The following BPTF variants were observed in gnomAD, a reference collection of about 807,000 sequenced individuals.
BPTF encodes the protein nucleosome-remodeling factor subunit BPTF.
BPTF carries 18 observed loss-of-function variants against 292.5 expected under a neutral mutation model. The observed-to-expected ratio is 0.06, with a 90% confidence interval of 0.04 to 0.09. BPTF has a LOEUF of 0.09. Among genes scored for constraint, BPTF ranks in the 10% least tolerant of loss-of-function variants. BPTF has a pLI of 1.00. For synonymous variants in BPTF, 1,225 were observed against 1,251.9 expected (o/e 0.98, Z 0.45); for missense variants, 2,726 against 3,498.7 (o/e 0.78, Z 5.57).
chr17:67,931,617 C>G (rs1227089832), intron 17 of BPTF, among the ~76,000 whole-genome samples: 1 of 152,178 alleles, frequency 6.6e-6, no homozygotes. Flanking sequence ...CCTGTGAGCA[C>G]TAGTTACAGA....
chr17:67,875,143 G>T (rs1420439830), intron 4 of BPTF, 123 bp downstream of exon 4: 9 of 808,068 alleles, frequency 1.1e-5, no homozygotes, highest in African/African-American at 1.7e-5. Flanking sequence ...TTTCTAAAGA[G>T]ATCAGGATAC....
At chr17:67,982,185 G>A (rs781924437) in intron 27 of BPTF, 67 bp from the exon 28 acceptor site, 12 of 1,415,706 alleles carry the variant, frequency 8.5e-6, no homozygotes, top group African/African-American at 5.7e-5. Context: ...CTTGGCATCC[G>A]CATAAAGCAT....
chr17:67,973,848 G>A (rs1375388182), intron 26 of BPTF: 1 of 151,678 alleles, frequency 6.6e-6, no homozygotes, highest in Non-Finnish European at 1.5e-5. Flanking sequence ...GACTTGAAGG[G>A]ACACCCTTAA....
chr17:67,924,836 G>T (rs1313246859), intron 15 of BPTF, among the ~76,000 whole-genome samples: 3 of 152,010 alleles, frequency 2.0e-5, no homozygotes, highest in Non-Finnish European at 4.4e-5. Flanking sequence ...AGCTCACCGA[G>T]CCTCGACATC....
At chr17:67,846,810 A>C (rs907346809) in intron 1 of BPTF, among the ~76,000 whole-genome samples, 1 of 152,076 alleles carries the variant, frequency 6.6e-6, no homozygotes, top group African/African-American at 2.4e-5. Context: ...AAGCAATTCT[A>C]GTGCCTCAGC....
At position 67,840,467 on chromosome 17, in the gene BPTF, G is replaced by A. The variant is rs1437195240; in HGVS notation, c.614-13473G>A. Among the ~76,000 whole-genome samples, 4 of 151,740 alleles carry A rather than the reference G, an allele frequency of 2.6e-5. No individual in the cohort carries two copies. The East Asian group carries it at 7.7e-4, about 29-fold the overall frequency. On this transcript the variant is annotated intron_variant, in intron 1 of 27. Coordinates refer to ENST00000306378, the MANE Select transcript of BPTF (RefSeq NM_182641.4). ...GGTTGCTGCTGCTCCTCTTGTTGTT[G>A]TTGTTGCTGCTGCTGCTGCTCCTCC...
At chr17:67,954,671 C>T (rs1555680124) in intron 23 of BPTF, among the ~76,000 whole-genome samples, 8 of 152,188 alleles carry the variant, frequency 5.3e-5, no homozygotes. Context: ...ACTATTTCTT[C>T]TCAGTTTCTC....
chr17:67,911,912 G>T lies in BPTF; in HGVS notation c.4028G>T (p.Gly1343Val), dbSNP rs1392613455. The T allele has an allele frequency of 6.2e-7, 1 of 1,614,004 alleles. No homozygotes were observed. Among genetic ancestry groups the T allele is most frequent in the Admixed American group, 1.7e-5 (1 of 59,970 alleles). Residue 1343 changes from glycine to valine, a missense_variant, in exon 11 of 28, where the codon GGA becomes GTA. By Grantham distance (109) the Gly-to-Val change is moderately radical. This residue lies in a region of BPTF where 713 missense variants were observed against 714.9 expected (regional missense o/e 1.00). Coordinates refer to ENST00000306378, the MANE Select transcript of BPTF (RefSeq NM_182641.4). ...GAGTTGGTTTCTGGTGAGTCCACTG[G>T]AAACTGTGAGGACAGGCTGCCGGTC... ...KCELVSGESTGNCEDRLPVKG... is the reference protein window; with the variant it reads ...KCELVSGESTVNCEDRLPVKG...
chr17:67,956,411 A>G (rs1485369503), intron 23 of BPTF: 1 of 150,706 alleles, frequency 6.6e-6, no homozygotes, highest in East Asian at 2.0e-4. Context: ...TTGACCTCCC[A>G]GGCTTAAGGG....
In BPTF at chr17:67,911,175, T is replaced by C. The variant is rs189588019; in HGVS notation, c.3291T>C (p.Asn1097=). ...GIKGIGKTST[N]SSKNLSESPV... is the part of the protein sequence containing the mutation. ...AGGGTATAGGAAAGACTTCTACAAA[T>C]TCTTCAAAAAATCTCTCTGAATCAC... The change falls in exon 11 of 28, where the codon AAT becomes AAC. Residue 1097 remains asparagine (N), a synonymous_variant. Transcript: ENST00000306378. 34 of 1,613,704 alleles carry C rather than the reference T, an allele frequency of 2.1e-5. No homozygotes were observed. In the South Asian group the frequency reaches 3.5e-4, roughly 17 times the overall value.
intron 1 of BPTF, among the ~76,000 whole-genome samples, chr17:67,831,259 T>C (rs1197869326): frequency 6.6e-6 from 1 of 151,982 alleles, no homozygotes; most frequent in Non-Finnish European, 1.5e-5. Context: ...GCATTACATA[T>C]GCCTCCCTAA....
intron 21 of BPTF, 73 bp downstream of exon 21, chr17:67,946,398 G>T (rs1255430920): frequency 3.4e-5 from 52 of 1,534,692 alleles, no homozygotes; most frequent in Non-Finnish European, 4.5e-5. Flanking sequence ...TTAGTGTTTG[G>T]TTGTGTTAGG....
Position 67,903,573 on chromosome 17 carries a change from G to A in BPTF, c.2544-216G>A, listed in dbSNP as rs62085986. 7.1e-3 allele frequency among the ~76,000 whole-genome samples: 1,081 copies of A among 152,234 alleles called. 5 individuals are homozygous for A. Among genetic ancestry groups the A allele is most frequent in the Middle Eastern group, 0.017 (5 of 294 alleles). ...AAATAAATCATAATTATTTCTTATGGAAAGGATATAGTATTTCTTGTTTTT... is the reference window on the plus strand; with the variant it reads ...AAATAAATCATAATTATTTCTTATGAAAAGGATATAGTATTTCTTGTTTTT... On this transcript the variant is annotated intron_variant, in intron 7 of 27. Transcript: ENST00000306378.
At chr17:67,971,953 T>C (rs1211162963) in intron 26 of BPTF, among the ~76,000 whole-genome samples, 4 of 152,150 alleles carry the variant, frequency 2.6e-5, no homozygotes, top group African/African-American at 9.7e-5. Context: ...ATCACTCTTT[T>C]GAGGGGTATA....
chr17:67,844,923 A>G (rs9908145), intron 1 of BPTF, among the ~76,000 whole-genome samples: 12,073 of 152,064 alleles, frequency 0.079, 1,636 homozygotes, highest in African/African-American at 0.28. Flanking sequence ...TTGTATTTTT[A>G]GTAGAGACAG....
intron 18 of BPTF, 97 bp from the exon 19 acceptor site, chr17:67,940,342 A>T (rs930434714): frequency 1.8e-6 from 2 of 1,096,684 alleles, no homozygotes; most frequent in Non-Finnish European, 2.6e-6. Context: ...TTTTTTGAAG[A>T]TGGAAAAGAA....
intron 1 of BPTF, among the ~76,000 whole-genome samples, chr17:67,851,272 CT>C (rs57971998): frequency 0.11 from 14,648 of 129,818 alleles, 2,388 homozygotes; most frequent in African/African-American, 0.37. Flanking sequence ...CGATTTTCTG[CT>C]TTTTTTTTTT....
At chr17:67,852,378 C>A (rs1414388026) in intron 1 of BPTF, among the ~76,000 whole-genome samples, 1 of 152,088 alleles carries the variant, frequency 6.6e-6, no homozygotes, top group Non-Finnish European at 1.5e-5. Context: ...TGTCCCCCGA[C>A]TCTCCCCAGA....
chr17:67,926,200 A>G (rs2063875023), intron 15 of BPTF, among the ~76,000 whole-genome samples: 1 of 149,404 alleles, frequency 6.7e-6, no homozygotes, highest in African/African-American at 2.5e-5. Flanking sequence ...TAGAGATAGG[A>G]CTTTTGCCAT....
Sources: allele counts gnomAD v4.1 joint callset (sites outside exome capture counted in the v4.1 genomes callset), GRCh38; gene constraint gnomAD v4.1.1; regional missense constraint gnomAD v4.1.1; transcripts MANE v1.5; gene names NCBI Gene and HGNC (gene_info 2026-07-23, HGNC 2026-07-21).